The following KCNIP4 variants were observed in gnomAD, a reference collection of about 807,000 sequenced individuals.
KCNIP4 encodes Kv channel-interacting protein 4.
In KCNIP4, 12 loss-of-function variants were observed where a neutral mutation model predicts 34.0. That is an observed-to-expected ratio of 0.35 (90% CI 0.23 to 0.57). The LOEUF is 0.57. Among genes scored for constraint, KCNIP4 ranks in the 20% least tolerant of loss-of-function variants. KCNIP4 has a pLI of 0.83. For synonymous variants in KCNIP4, 124 were observed against 102.2 expected, an observed-to-expected ratio of 1.21 and a Z score of -1.29; for missense variants, 238 against 311.7, an observed-to-expected ratio of 0.76 and a Z score of 1.78.
At chr4:21,599,609 A>T (rs1403951003) in intron 1 of KCNIP4, among the ~76,000 whole-genome samples, 2 of 152,120 alleles carry the variant, frequency 1.3e-5, no homozygotes. Context: ...ACAGTAAGTA[A>T]TTCAAGTGAC....
At chr4:21,321,936 G>A (rs1714507282) in intron 1 of KCNIP4, among the ~76,000 whole-genome samples, 1 of 145,368 alleles carries the variant, frequency 6.9e-6, no homozygotes, top group Non-Finnish European at 1.5e-5. Context: ...AGGTGGGAAG[G>A]AGGGAGGGAG....
Position 21,601,491 on chromosome 4 carries a change from G to C in KCNIP4, c.61+347080C>G, listed in dbSNP as rs1232963067. Among the ~76,000 whole-genome samples the C allele has an allele frequency of 2.6e-5, 4 of 151,894 alleles. 1 individual carries two copies. Among genetic ancestry groups the C allele is most frequent in the South Asian group, 4.2e-4 (2 of 4,814 alleles). On this transcript the variant is annotated intron_variant, in intron 1 of 8. Transcript: ENST00000382152. Reference sequence around the variant, plus strand: ...ATGTTTTTTCTGCACCTCTGTAAGAGACTCTCCTTTCCCCTTTCTCTTCCC... The same window carrying C: ...ATGTTTTTTCTGCACCTCTGTAAGACACTCTCCTTTCCCCTTTCTCTTCCC...
chr4:21,799,949 C>T (rs116634223), intron 1 of KCNIP4, among the ~76,000 whole-genome samples: 138 of 152,244 alleles, frequency 9.1e-4, no homozygotes, highest in African/African-American at 3.1e-3. Flanking sequence ...CGTGACTATA[C>T]GACTGCAAAG....
intron 1 of KCNIP4, among the ~76,000 whole-genome samples, chr4:21,131,011 A>G (rs997539477): frequency 6.6e-6 from 1 of 152,226 alleles, no homozygotes; most frequent in Non-Finnish European, 1.5e-5. Context: ...TATAACCCCC[A>G]AAAGGCCATA....
intron 1 of KCNIP4, among the ~76,000 whole-genome samples, chr4:20,925,352 G>A (rs1390500200): frequency 6.6e-6 from 1 of 152,064 alleles, no homozygotes; most frequent in Non-Finnish European, 1.5e-5. Flanking sequence ...GTCAGCACAA[G>A]ATACAGGTCG....
chr4:20,771,156 A>G lies in KCNIP4; in HGVS notation c.289-12266T>C, dbSNP rs1755842632. Among the ~76,000 whole-genome samples, 4 of 152,184 alleles carry G rather than the reference A, an allele frequency of 2.6e-5. No homozygotes were observed. In the South Asian group the frequency reaches 8.3e-4, roughly 32 times the overall value. The stretch of plus-strand genomic sequence containing the variant: ...GGAGGGTTCTGAACCCAGTCCCTCA[A>G]GAATACAGAGAGATGACTGCATGGA... On this transcript the variant is annotated intron_variant, in intron 3 of 8. Transcript: ENST00000382152.
chr4:20,964,184 C>T (rs149442170), intron 1 of KCNIP4, among the ~76,000 whole-genome samples: 1 of 152,170 alleles, frequency 6.6e-6, no homozygotes, highest in African/African-American at 2.4e-5. Context: ...TGCTGTTTTA[C>T]ATAGAGAAGC....
At chr4:21,483,092 G>C in intron 1 of KCNIP4, among the ~76,000 whole-genome samples, 1 of 120,228 alleles carries the variant, frequency 8.3e-6, no homozygotes, top group South Asian at 3.4e-4. Context: ...GTGGGGGAGG[G>C]GGGAGGGATA....
At chr4:21,615,279 G>T (rs371079550) in intron 1 of KCNIP4, among the ~76,000 whole-genome samples, 20 of 152,070 alleles carry the variant, frequency 1.3e-4, no homozygotes, top group African/African-American at 4.6e-4. Flanking sequence ...GGTGGCTCAC[G>T]CCTGTAATCC....
At chr4:21,276,893 T>C (rs954186577) in intron 1 of KCNIP4, among the ~76,000 whole-genome samples, 1 of 152,180 alleles carries the variant, frequency 6.6e-6, no homozygotes, top group Non-Finnish European at 1.5e-5. Flanking sequence ...CATTCCTTCT[T>C]TCTTCACTAT....
At chr4:21,477,335 A>C (rs1394822801) in intron 1 of KCNIP4, among the ~76,000 whole-genome samples, 1 of 152,162 alleles carries the variant, frequency 6.6e-6, no homozygotes, top group Non-Finnish European at 1.5e-5. Flanking sequence ...AGCAAACTTA[A>C]TGAGCTCATT....
At chr4:21,889,474 C>T (rs1005759879) in intron 1 of KCNIP4, among the ~76,000 whole-genome samples, 5 of 152,000 alleles carry the variant, frequency 3.3e-5, no homozygotes, top group Admixed American at 6.6e-5. Flanking sequence ...GAAGGCATTG[C>T]ATTAGGTACT....
intron 1 of KCNIP4, among the ~76,000 whole-genome samples, chr4:21,130,296 A>G (rs1256323552): frequency 6.6e-6 from 1 of 152,194 alleles, no homozygotes; most frequent in Non-Finnish European, 1.5e-5. Context: ...TTCCTAAATG[A>G]TTCTAATGCA....
chr4:21,933,497 T>A (rs1484923255), intron 1 of KCNIP4, among the ~76,000 whole-genome samples: 5 of 152,114 alleles, frequency 3.3e-5, no homozygotes. Context: ...ATAAAACATA[T>A]TAAGTCTTTT....
intron 1 of KCNIP4, among the ~76,000 whole-genome samples, chr4:21,629,704 T>C (rs541398902): frequency 6.6e-6 from 1 of 152,246 alleles, no homozygotes; most frequent in Non-Finnish European, 1.5e-5. Context: ...CTATAGGGAA[T>C]TTAGATTCTT....
rs745412349 is a variant in KCNIP4 at position 21,030,055 on chromosome 4, G to A, written c.62-147346C>T. On this transcript the variant is annotated intron_variant, in intron 1 of 8. Transcript: ENST00000382152. Reference sequence around the variant, plus strand: ...CTAAGGCAGGGGTCCCCAACCCTTCGGTCATGGACTGGAACCTGTCAGTGG... The same window carrying A: ...CTAAGGCAGGGGTCCCCAACCCTTCAGTCATGGACTGGAACCTGTCAGTGG... Among the ~76,000 whole-genome samples the A allele has an allele frequency of 5.3e-5, 8 of 152,096 alleles. No homozygotes were observed. The East Asian group carries it at 7.7e-4, about 15-fold the overall frequency.
chr4:21,805,489 T>C (rs28578495), intron 1 of KCNIP4, among the ~76,000 whole-genome samples: 14,847 of 152,062 alleles, frequency 0.098, 2,356 homozygotes, highest in African/African-American at 0.33. Context: ...TCCTCTGCCA[T>C]GATTGTGAGG....
chr4:21,354,777 T>C (rs1718394560), intron 1 of KCNIP4, among the ~76,000 whole-genome samples: 2 of 152,172 alleles, frequency 1.3e-5, no homozygotes, highest in Non-Finnish European at 2.9e-5. Flanking sequence ...GGACTTGAAC[T>C]CAGCTCTGCA....
Position 21,370,109 on chromosome 4 carries a change from G to C in KCNIP4, c.62-487400C>G, listed in dbSNP as rs1327239054. ...CCCGAAGTGCTGGGATTACAGGCTTGAGCCACTGCACCCGGCCAACCCAAG... is the reference window on the plus strand; with the variant it reads ...CCCGAAGTGCTGGGATTACAGGCTTCAGCCACTGCACCCGGCCAACCCAAG... On this transcript the variant is annotated intron_variant, in intron 1 of 8. Coordinates refer to ENST00000382152, the MANE Select transcript of KCNIP4 (RefSeq NM_025221.6). 1.4e-5 allele frequency among the ~76,000 whole-genome samples: 2 copies of C among 147,530 alleles called. 1 individual carries two copies. The highest frequency in any genetic ancestry group is 5.4e-5 in the African/African-American group (2 of 37,112).
Sources: gnomAD v4.1 joint callset for allele counts (sites outside exome capture counted in the v4.1 genomes callset) on GRCh38, gnomAD v4.1.1 for gene constraint, MANE v1.5 for transcripts, NCBI Gene and HGNC (gene_info 2026-07-23, HGNC 2026-07-21) for gene names.